SLC23A2: variants seen among roughly 807,000 people sequenced by gnomAD.
SLC23A2 encodes Na(+)/L-ascorbic acid transporter 2.
SLC23A2 carries 36 observed loss-of-function variants against 73.3 expected under a neutral mutation model. That is an observed-to-expected ratio of 0.49 (90% confidence interval 0.38 to 0.65). The LOEUF is 0.65. SLC23A2 is among the 30% of genes least tolerant of loss of function. The probability of loss-of-function intolerance (pLI) is 0.00; values close to 1 mark genes in which losing one functional copy is unlikely to be tolerated. For synonymous variants in SLC23A2, 343 were observed against 327.3 expected (o/e 1.05, Z -0.52); for missense variants, 507 against 841.6 (o/e 0.60, Z 4.92).
At position 4,859,274 on chromosome 20, in the gene SLC23A2, A is replaced by G. The variant is rs370942117; in HGVS notation, c.1720+15T>C. 7.2e-7 allele frequency: 1 copy of G among 1,395,812 alleles called. No individual in the cohort carries two copies. The highest frequency in any genetic ancestry group is 1.0e-6 in the Non-Finnish European group (1 of 988,276). The allele number at this position is 1,395,812 out of a possible 1,614,324, so 86.5% of individuals were successfully genotyped here. ...AATAAAAAAAAAAAAAGTGTGTTTG[A>G]TATATACCACGTACCTGGGATGGTG... On this transcript the variant is annotated intron_variant, in intron 16 of 16. Coordinates refer to ENST00000338244, the MANE Select transcript of SLC23A2 (RefSeq NM_005116.6).
intron 4 of SLC23A2, among the ~76,000 whole-genome samples, chr20:4,909,262 G>C (rs1220067591): frequency 6.6e-6 from 1 of 152,088 alleles, no homozygotes; most frequent in Non-Finnish European, 1.5e-5. Flanking sequence ...AATCCAAAAT[G>C]CTCCAATGAG....
At chr20:4,983,320 C>T (rs1288191186) in intron 1 of SLC23A2, among the ~76,000 whole-genome samples, 1 of 152,106 alleles carries the variant, frequency 6.6e-6, no homozygotes, top group Non-Finnish European at 1.5e-5. Context: ...CACATAGAGA[C>T]TTTAACAAAA....
At chr20:4,887,528 T>C (rs1036717788) in intron 6 of SLC23A2, among the ~76,000 whole-genome samples, 5 of 152,246 alleles carry the variant, frequency 3.3e-5, no homozygotes, top group African/African-American at 9.6e-5. Flanking sequence ...AAGGAAAGAC[T>C]GGATCTGGCT....
Position 4,932,686 on chromosome 20 carries a change from G to C in SLC23A2, c.-124C>G, listed in dbSNP as rs1450498711. 3.1e-6 allele frequency: 2 copies of C among 650,096 alleles called. No homozygotes were observed. The highest frequency in any genetic ancestry group is 2.8e-6 in the Non-Finnish European group (1 of 360,628). The allele number at this position is 650,096 out of a possible 1,614,324, so 40.3% of individuals were successfully genotyped here. A position where few individuals can be genotyped will look rare whatever the true frequency, so the allele number is the denominator to read the frequency against. ...CTGGAGCCCCCGATTCTCAAGCAGA[G>C]ATGAGGCCTGCAAACGGCATCTCTT... On this transcript the variant is annotated 5_prime_UTR_variant, in exon 3 of 17. In the 5' UTR this introduces an upstream ATG that the reference lacks. Coordinates refer to ENST00000338244, the MANE Select transcript of SLC23A2 (RefSeq NM_005116.6).
Position 4,885,921 on chromosome 20 carries a change from G to A in SLC23A2, c.483-12C>T, listed in dbSNP as rs752301940. On this transcript the variant is annotated splice_polypyrimidine_tract_variant and intron_variant, in intron 6 of 16. Transcript: ENST00000338244. ...GAAACAGGGGTAACCTAAAAGAAAC[G>A]AGACCAAAACCATGATCACGGCATC... 4.4e-6 allele frequency: 7 copies of A among 1,598,602 alleles called. No individual in the cohort carries two copies. Among genetic ancestry groups the A allele is most frequent in the Non-Finnish European group, 6.0e-6 (7 of 1,168,412 alleles).
In SLC23A2 at chr20:4,873,998, G is replaced by A; in HGVS notation, c.1040C>T (p.Ala347Val). 2.5e-6 allele frequency: 4 copies of A among 1,614,162 alleles called. No individual in the cohort carries two copies. Among genetic ancestry groups the A allele is most frequent in the Non-Finnish European group, 3.4e-6 (4 of 1,180,032 alleles). The change falls in exon 11 of 17, where the codon GCT (alanine) becomes GTT (valine). Residue 347 changes from alanine (A) to valine (V), a missense_variant. Physicochemically the swap from Ala to Val is moderately conservative, Grantham distance 64 (BLOSUM62 0). This residue lies in a region of SLC23A2 where 217 missense variants were observed against 398.0 expected (regional missense o/e 0.55). Coordinates refer to ENST00000338244, the MANE Select transcript of SLC23A2 (RefSeq NM_005116.6). ...CACGCCTTGCCTGGCATCTGTGCGAGCATAGAAGCCATACTTTGTGCTGTC... is the reference window on the plus strand; with the variant it reads ...CACGCCTTGCCTGGCATCTGTGCGAACATAGAAGCCATACTTTGTGCTGTC... Reference protein sequence around the residue: ...PPDSTKYGFYARTDARQGVLL... With the variant: ...PPDSTKYGFYVRTDARQGVLL...
chr20:4,882,625 G>A (rs111283625), intron 9 of SLC23A2, among the ~76,000 whole-genome samples: 5 of 152,092 alleles, frequency 3.3e-5, no homozygotes, highest in South Asian at 2.1e-4. Flanking sequence ...TGAAACCCAC[G>A]GTGGCCACTT....
At chr20:4,888,661 GT>G (rs1396020661) in intron 6 of SLC23A2, among the ~76,000 whole-genome samples, 1 of 152,110 alleles carries the variant, frequency 6.6e-6, no homozygotes, top group East Asian at 1.9e-4. Flanking sequence ...TCCCAGCCTG[GT>G]ATCTCTCACC....
At chr20:4,939,724 G>T (rs2087012373) in intron 2 of SLC23A2, among the ~76,000 whole-genome samples, 1 of 152,180 alleles carries the variant, frequency 6.6e-6, no homozygotes, top group African/African-American at 2.4e-5. Flanking sequence ...TTATAGAAAG[G>T]TTTGCCCATG....
In SLC23A2 at chr20:4,902,785, C is replaced by A. The variant is rs1255701128; in HGVS notation, c.208-227G>T. Among the ~76,000 whole-genome samples the A allele has an allele frequency of 6.6e-6, 1 of 152,056 alleles. No homozygotes were observed. Among genetic ancestry groups the A allele is most frequent in the Non-Finnish European group, 1.5e-5 (1 of 68,012 alleles). On this transcript the variant is annotated intron_variant, in intron 4 of 16. Transcript: ENST00000338244. The surrounding 1 kb of genome is among the most constrained non-coding windows in gnomAD (Gnocchi z 4.0). ...AATTTGGGGGGTCAGCGTCCTTGGGCAACATCTCATCCCTGAGAACACCAA... is the reference window on the plus strand; with the variant it reads ...AATTTGGGGGGTCAGCGTCCTTGGGAAACATCTCATCCCTGAGAACACCAA...
chr20:4,984,457 G>T (rs769332494), intron 1 of SLC23A2, among the ~76,000 whole-genome samples: 1 of 151,694 alleles, frequency 6.6e-6, no homozygotes, highest in Non-Finnish European at 1.5e-5. Flanking sequence ...GGAGGCTGAC[G>T]CAGGAGAATG....
chr20:5,001,351 C>CGCCGGCAGGTGCG (rs1568664454), intron 1 of SLC23A2, 55 bp downstream of exon 1: 2 of 146,470 alleles, frequency 1.4e-5, no homozygotes, highest in East Asian at 4.0e-4. Flanking sequence ...CTCGCGGCCC[C>CGCCGGCAGGTGCG]GCCGGCAGGT....
intron 2 of SLC23A2, among the ~76,000 whole-genome samples, chr20:4,939,284 T>C (rs1233844897): frequency 1.3e-5 from 2 of 152,154 alleles, no homozygotes; most frequent in Admixed American, 6.5e-5. Flanking sequence ...TTTTAAGGCA[T>C]GTGGTATAAT....
At chr20:5,006,300 T>C (rs1265525379), upstream of SLC23A2, among the ~76,000 whole-genome samples, 2 of 151,864 alleles carry the variant, frequency 1.3e-5, no homozygotes, top group Non-Finnish European at 2.9e-5. Context: ...GGTTTCACCA[T>C]CTTGGCCAGG....
At chr20:4,931,307 T>A (rs1037955327) in intron 3 of SLC23A2, among the ~76,000 whole-genome samples, 1 of 152,122 alleles carries the variant, frequency 6.6e-6, no homozygotes, top group African/African-American at 2.4e-5. Context: ...ATTGTGCCAC[T>A]GCATTCCAAC....
chr20:4,955,380 CA>C (rs2087269240), intron 2 of SLC23A2, among the ~76,000 whole-genome samples: 1 of 151,890 alleles, frequency 6.6e-6, no homozygotes, highest in African/African-American at 2.4e-5. Flanking sequence ...CACACACACA[CA>C]CACACACACA....
chr20:4,891,917 A>C (rs1288435277), intron 6 of SLC23A2, among the ~76,000 whole-genome samples: 1 of 150,286 alleles, frequency 6.7e-6, no homozygotes, highest in Non-Finnish European at 1.5e-5. Flanking sequence ...CACCTGGCTA[A>C]TTTTTTTTTA....
intron 9 of SLC23A2, among the ~76,000 whole-genome samples, chr20:4,875,190 A>G (rs1368036589): frequency 6.6e-6 from 1 of 152,236 alleles, no homozygotes; most frequent in East Asian, 1.9e-4. Context: ...ATGATTTGCA[A>G]CTGGTTTTCC....
chr20:4,919,150 A>G (rs1932421865), intron 3 of SLC23A2, among the ~76,000 whole-genome samples: 1 of 152,236 alleles, frequency 6.6e-6, no homozygotes, highest in Non-Finnish European at 1.5e-5. Context: ...CTAAACACCC[A>G]AAGCTTGTCA....
Sources: gnomAD v4.1 joint callset for allele counts (sites outside exome capture counted in the v4.1 genomes callset) on GRCh38, gnomAD v4.1.1 for gene constraint, gnomAD v4.1.1 regional missense constraint, Gnocchi (gnomAD v3.1) non-coding constraint, MANE v1.5 for transcripts, NCBI Gene and HGNC (gene_info 2026-07-23, HGNC 2026-07-21) for gene names.